Variants in THRB observed in about 807,000 individuals in gnomAD.
THRB encodes thyroid hormone receptor beta.
Under a neutral mutation model 47.8 loss-of-function variants are expected in THRB, and 12 were observed. The observed-to-expected ratio is 0.25, with a 90% CI of 0.16 to 0.41. THRB has a LOEUF of 0.41. Among genes scored for constraint, THRB ranks in the 10% least tolerant of loss-of-function variants. The pLI is 1.00. For synonymous variants in THRB, 218 were observed against 212.2 expected, an observed-to-expected ratio of 1.03 and a Z score of -0.24; for missense variants, 348 against 589.2, an observed-to-expected ratio of 0.59 and a Z score of 4.24.
intron 3 of THRB, among the ~76,000 whole-genome samples, chr3:24,274,302 T>C (rs1323415663): frequency 6.6e-6 from 1 of 152,206 alleles, no homozygotes; most frequent in East Asian, 1.9e-4. Flanking sequence ...TATATTGAAA[T>C]ACTGTTTATA....
chr3:24,293,604 A>G (rs1169144458), intron 3 of THRB, among the ~76,000 whole-genome samples: 1 of 152,218 alleles, frequency 6.6e-6, no homozygotes, highest in African/African-American at 2.4e-5. Flanking sequence ...AGGTACAGTA[A>G]TCTATTCTTT....
intron 1 of THRB, among the ~76,000 whole-genome samples, chr3:24,493,324 A>T (rs1435450490): frequency 6.6e-6 from 1 of 152,270 alleles, no homozygotes; most frequent in Non-Finnish European, 1.5e-5. Flanking sequence ...ATTTCTTTGC[A>T]GTGCATTGCA....
At chr3:24,194,634 A>G (rs2043755514) in intron 4 of THRB, among the ~76,000 whole-genome samples, 1 of 152,216 alleles carries the variant, frequency 6.6e-6, no homozygotes, top group Admixed American at 6.5e-5. Flanking sequence ...CATCATTCTG[A>G]TGGCTTTGAT....
intron 1 of THRB, chr3:24,455,000 A>C (rs538793987): frequency 6.4e-4 from 98 of 152,060 alleles, no homozygotes; most frequent in African/African-American, 2.3e-3. Context: ...CTAACAATTG[A>C]CAAGGATGAA....
At chr3:24,309,846 G>T (rs914610402) in intron 2 of THRB, among the ~76,000 whole-genome samples, 1 of 152,122 alleles carries the variant, frequency 6.6e-6, no homozygotes, top group African/African-American at 2.4e-5. Flanking sequence ...TGTAAAATAC[G>T]TAGGATGTAT....
At chr3:24,131,143 T>A (rs1207712114) in intron 9 of THRB, among the ~76,000 whole-genome samples, 1 of 152,232 alleles carries the variant, frequency 6.6e-6, no homozygotes. Context: ...TCATACACAG[T>A]ACATTGTGGT....
intron 1 of THRB, among the ~76,000 whole-genome samples, chr3:24,424,529 AG>A (rs2069571582): frequency 6.6e-6 from 1 of 151,898 alleles, no homozygotes; most frequent in Non-Finnish European, 1.5e-5. Context: ...AGTCTAGGGT[AG>A]GGGGTGGGGC....
chr3:24,352,983 A>G (rs1207095762), intron 1 of THRB, among the ~76,000 whole-genome samples: 1 of 152,072 alleles, frequency 6.6e-6, no homozygotes, highest in Non-Finnish European at 1.5e-5. Context: ...TCATTCATTG[A>G]TTGACAAATA....
intron 1 of THRB, among the ~76,000 whole-genome samples, chr3:24,473,765 A>G (rs1453381616): frequency 6.6e-6 from 1 of 152,250 alleles, no homozygotes; most frequent in Non-Finnish European, 1.5e-5. Flanking sequence ...GCCATAAAAA[A>G]GGATGAGTTC....
At chr3:24,210,413 T>TG (rs1356079071) in intron 4 of THRB, among the ~76,000 whole-genome samples, 4 of 151,848 alleles carry the variant, frequency 2.6e-5, no homozygotes, top group African/African-American at 7.2e-5. Context: ...TTTGTTTGTT[T>TG]TTTTTTTTTG....
chr3:24,142,120 C>T (rs186132489), intron 8 of THRB, among the ~76,000 whole-genome samples: 1 of 152,160 alleles, frequency 6.6e-6, no homozygotes, highest in African/African-American at 2.4e-5. Flanking sequence ...AGACATAAAT[C>T]CCGGAGCTGG....
intron 4 of THRB, among the ~76,000 whole-genome samples, chr3:24,205,918 T>C (rs1176452037): frequency 6.6e-6 from 1 of 152,126 alleles, no homozygotes; most frequent in Admixed American, 6.5e-5. Flanking sequence ...CATTACATAA[T>C]GGTAAAGGGA....
intron 5 of THRB, among the ~76,000 whole-genome samples, chr3:24,165,807 A>T (rs1421857631): frequency 1.3e-5 from 2 of 152,182 alleles, no homozygotes; most frequent in Non-Finnish European, 1.5e-5. Flanking sequence ...ACGATTACTC[A>T]TTGTTATGTC....
At chr3:24,330,831 A>T (rs754946148) in intron 2 of THRB, among the ~76,000 whole-genome samples, 8 of 152,180 alleles carry the variant, frequency 5.3e-5, no homozygotes, top group Non-Finnish European at 1.0e-4. Flanking sequence ...AAATAAGAAA[A>T]CCAAGTTATA....
chr3:24,437,655 T>C (rs2071101374), intron 1 of THRB, among the ~76,000 whole-genome samples: 1 of 152,054 alleles, frequency 6.6e-6, no homozygotes, highest in Non-Finnish European at 1.5e-5. Flanking sequence ...AACTATTATA[T>C]ATTAACAAAA....
chr3:24,299,802 T>TTTTTTTTTTTTTTTTTA (rs1363344985), intron 2 of THRB, among the ~76,000 whole-genome samples: 1 of 132,948 alleles, frequency 7.5e-6, no homozygotes, highest in African/African-American at 2.9e-5. Context: ...TTTTTTTTTT[T>TTTTTTTTTTTTTTTTTA]AGCAAACATA....
intron 1 of THRB, among the ~76,000 whole-genome samples, chr3:24,357,346 CAAAAAAAAAAAA>C (rs781709724): frequency 3.5e-5 from 1 of 28,714 alleles, no homozygotes; most frequent in African/African-American, 1.1e-4. Flanking sequence ...TTGTCTCTCC[CAAAAAAAAAAAA>C]AAAAAAAAAA....
At position 24,463,291 on chromosome 3, in the gene THRB, C is replaced by T. The variant is rs150850203; in HGVS notation, c.-261+31361G>A. On this transcript the variant is annotated intron_variant, in intron 1 of 10. Transcript: ENST00000646209. ...ATCTTTTTATTTTGAGACAGAGTCT[C>T]ATCCTGTAGCCCAGGCTGGAATGCA... is the stretch of plus-strand genomic sequence containing the variant. 2.4e-3 allele frequency among the ~76,000 whole-genome samples: 369 copies of T among 152,314 alleles called. 8 individuals carry two copies. Among genetic ancestry groups the T allele is most frequent in the Admixed American group, 0.016 (247 of 15,306 alleles).
intron 1 of THRB, among the ~76,000 whole-genome samples, chr3:24,453,168 TTGTC>T (rs2072834264): frequency 6.6e-6 from 1 of 152,206 alleles, no homozygotes; most frequent in African/African-American, 2.4e-5. Flanking sequence ...TCACCAACTC[TTGTC>T]TATTTCAGTA....
Sources: gnomAD v4.1 joint callset for allele counts (sites outside exome capture counted in the v4.1 genomes callset) on GRCh38, gnomAD v4.1.1 for gene constraint, MANE v1.5 for transcripts, NCBI Gene and HGNC (gene_info 2026-07-23, HGNC 2026-07-21) for gene names.